Variants in MEF2D observed in about 807,000 individuals in gnomAD.
MEF2D encodes myocyte enhancer factor 2D.
MEF2D carries 10 observed loss-of-function variants against 59.3 expected under a neutral mutation model. That is an observed-to-expected ratio of 0.17 (90% CI 0.10 to 0.29). MEF2D has a LOEUF of 0.29. Ranked by LOEUF, MEF2D falls within the 10% of genes least tolerant of loss-of-function variation. The pLI is 1.00. For synonymous variants in MEF2D, 305 were observed against 295.0 expected (o/e 1.03, Z -0.35); for missense variants, 508 against 699.4 (o/e 0.73, Z 3.09).
At chr1:156,499,248 G>C (rs1373545656) in intron 1 of MEF2D, among the ~76,000 whole-genome samples, 3 of 152,198 alleles carry the variant, frequency 2.0e-5, no homozygotes, top group Admixed American at 6.5e-5. Flanking sequence ...AGGAGGAGGA[G>C]TGGATAAGGG....
intron 1 of MEF2D, among the ~76,000 whole-genome samples, chr1:156,485,290 C>T (rs567948723): frequency 3.9e-5 from 6 of 152,236 alleles, no homozygotes; most frequent in South Asian, 4.1e-4. Context: ...ATGGCCCCTA[C>T]GGTACCACAG....
chr1:156,467,681 G>T (rs1443752834), intron 11 of MEF2D, 25 bp from the exon 12 acceptor site: 2 of 1,345,072 alleles, frequency 1.5e-6, no homozygotes, highest in Non-Finnish European at 1.9e-6. Context: ...GATGGAGAAG[G>T]GGGTGTGAGG....
intron 1 of MEF2D, among the ~76,000 whole-genome samples, chr1:156,493,666 T>C (rs998252491): frequency 6.6e-6 from 1 of 152,190 alleles, no homozygotes; most frequent in Non-Finnish European, 1.5e-5. Flanking sequence ...CACCCTTTCA[T>C]GAGGATGCCG....
chr1:156,495,564 T>C (rs1673081021), intron 1 of MEF2D, among the ~76,000 whole-genome samples: 1 of 151,834 alleles, frequency 6.6e-6, no homozygotes, highest in Non-Finnish European at 1.5e-5. Flanking sequence ...CCCAGCTACC[T>C]GGAAGGCTGA....
At chr1:156,494,874 G>A (rs1673036897) in intron 1 of MEF2D, among the ~76,000 whole-genome samples, 1 of 152,204 alleles carries the variant, frequency 6.6e-6, no homozygotes, top group Admixed American at 6.5e-5. Context: ...GGGAGTGGGA[G>A]GGAGTCTCCC....
At chr1:156,467,719 C>T in intron 11 of MEF2D, 63 bp from the exon 12 acceptor site, 1 of 1,344,886 alleles carries the variant, frequency 7.4e-7, no homozygotes. Context: ...GGTATGCACC[C>T]CCCACTCCCC....
rs114309309 is a variant in MEF2D at position 156,492,086 on chromosome 1, T to C, written c.-139+8400A>G. Among the ~76,000 whole-genome samples, 304 of 152,270 alleles carry C rather than the reference T, an allele frequency of 2.0e-3. 1 individual carries two copies. The highest frequency in any genetic ancestry group is 6.9e-3 in the African/African-American group (286 of 41,562). On this transcript the variant is annotated intron_variant, in intron 1 of 11. Transcript: ENST00000348159. ...AAGCAAGCATGGCAGCTACAGGAGT[T>C]TGGTAAGATTCACAGGGTGAAGTGT...
intron 9 of MEF2D, 94 bp downstream of exon 9, chr1:156,475,014 T>A (rs1375334978): frequency 1.3e-6 from 2 of 1,573,418 alleles, no homozygotes; most frequent in Non-Finnish European, 1.7e-6. Flanking sequence ...CCTCCTCAGA[T>A]GTGGCCTGTC....
At chr1:156,490,661 C>T (rs982615627) in intron 1 of MEF2D, 2 of 152,340 alleles carry the variant, frequency 1.3e-5, no homozygotes, top group African/African-American at 2.4e-5. Context: ...GGACAGGAAC[C>T]GACTTGCCAA....
At chr1:156,473,712 G>A (rs184018675) in intron 9 of MEF2D, among the ~76,000 whole-genome samples, 50 of 152,304 alleles carry the variant, frequency 3.3e-4, no homozygotes, top group African/African-American at 1.1e-3. Flanking sequence ...GACAGCCCGC[G>A]CACTGGGTGT....
At chr1:156,491,014 G>T (rs1424746806) in intron 1 of MEF2D, among the ~76,000 whole-genome samples, 1 of 152,122 alleles carries the variant, frequency 6.6e-6, no homozygotes, top group Non-Finnish European at 1.5e-5. Context: ...CTCTGGGCTG[G>T]CTCCTAGGTA....
intron 1 of MEF2D, among the ~76,000 whole-genome samples, chr1:156,497,769 G>A (rs935528151): frequency 1.3e-5 from 2 of 152,118 alleles, no homozygotes; most frequent in East Asian, 1.9e-4. Context: ...CCAGGCCAGC[G>A]TAAGTCCTGA....
intron 2 of MEF2D, 60 bp downstream of exon 2, chr1:156,483,179 T>C (rs202149670): frequency 8.5e-5 from 131 of 1,541,816 alleles, no homozygotes; most frequent in Non-Finnish European, 1.0e-4. Context: ...CTGAAGGGAG[T>C]AGAGGCAGAG....
rs1436992043 is a variant in MEF2D at position 156,463,820 on chromosome 1, A to G, written c.*3825T>C. ...TCAAACAAAACTCATAAGAATCTCG[A>G]GGACTTTGTCTTTTCTTATTGTGTA... On this transcript the variant is annotated 3_prime_UTR_variant, in exon 12 of 12. Transcript: ENST00000348159. The G allele has an allele frequency of 6.6e-6, 1 of 152,656 alleles. No individual in the cohort carries two copies. The highest frequency in any genetic ancestry group is 6.5e-5 in the Admixed American group (1 of 15,286). 9.5% of individuals were successfully genotyped at this position (152,656 alleles called of 1,614,324 possible).
At chr1:156,478,127 A>G (rs963655988) in intron 6 of MEF2D, among the ~76,000 whole-genome samples, 1 of 152,216 alleles carries the variant, frequency 6.6e-6, no homozygotes, top group Non-Finnish European at 1.5e-5. Flanking sequence ...AAGGGCCTCT[A>G]TGGATCACTG....
intron 9 of MEF2D, 137 bp downstream of exon 9, chr1:156,474,971 A>AT (rs1245943120): frequency 6.4e-6 from 8 of 1,251,996 alleles, no homozygotes; most frequent in African/African-American, 1.5e-5. Context: ...CCTGTTAACC[A>AT]TAAGTAGGTG....
intron 1 of MEF2D, among the ~76,000 whole-genome samples, chr1:156,488,405 G>A (rs1672515106): frequency 6.6e-6 from 1 of 152,194 alleles, no homozygotes; most frequent in African/African-American, 2.4e-5. Context: ...GAGAAGGGTG[G>A]CTGAGGAGAA....
In MEF2D at chr1:156,476,533, C is replaced by G. The variant is rs1488970166; in HGVS notation, c.856-19G>C. The G allele has an allele frequency of 2.5e-6, 4 of 1,610,380 alleles. No homozygotes were observed. The highest frequency in any genetic ancestry group is 3.4e-6 in the Non-Finnish European group (4 of 1,178,386). Reference sequence around the variant, plus strand: ...CCTCAGTCTGAGAGCAGAAATAAAACCAAGGGGATGTTCAGTCTCTGGCCG... The same window carrying G: ...CCTCAGTCTGAGAGCAGAAATAAAAGCAAGGGGATGTTCAGTCTCTGGCCG... On this transcript the variant is annotated intron_variant, in intron 7 of 11. Coordinates refer to ENST00000348159, the MANE Select transcript of MEF2D (RefSeq NM_005920.4).
intron 1 of MEF2D, among the ~76,000 whole-genome samples, chr1:156,497,068 C>A (rs984032065): frequency 1.3e-5 from 2 of 152,230 alleles, no homozygotes; most frequent in South Asian, 2.1e-4. Context: ...CTCTCCCCCC[C>A]AGCTTCCCCA....
Sources: gnomAD v4.1 joint callset for allele counts (sites outside exome capture counted in the v4.1 genomes callset) on GRCh38, gnomAD v4.1.1 for gene constraint, MANE v1.5 for transcripts, NCBI Gene and HGNC (gene_info 2026-07-23, HGNC 2026-07-21) for gene names.